Variants in YWHAQ observed in about 807,000 individuals in gnomAD.
The protein encoded by YWHAQ is 14-3-3 protein theta.
A neutral mutation model predicts 28.3 loss-of-function variants in YWHAQ; 6 were observed. The ratio of observed to expected loss-of-function variants is 0.21; its 90% confidence interval spans 0.12 to 0.42. The LOEUF (loss-of-function observed/expected upper bound fraction) is 0.42. YWHAQ is among the 10% of genes least tolerant of loss of function. The pLI is 1.00. For synonymous variants in YWHAQ, 143 were observed against 119.1 expected (o/e 1.20, Z -1.31); for missense variants, 201 against 305.6 (o/e 0.66, Z 2.55).
intron 2 of YWHAQ, among the ~76,000 whole-genome samples, chr2:9,608,390 G>A (rs1402522715): frequency 6.6e-6 from 1 of 152,184 alleles, no homozygotes; most frequent in African/African-American, 2.4e-5. Flanking sequence ...TGTCATCGCT[G>A]AGAAGTAGCC....
At chr2:9,600,192 A>T (rs1666660820) in intron 2 of YWHAQ, among the ~76,000 whole-genome samples, 1 of 152,264 alleles carries the variant, frequency 6.6e-6, no homozygotes, top group African/African-American at 2.4e-5. Flanking sequence ...TGAACAGATG[A>T]GAACTTGCTT....
intron 2 of YWHAQ, among the ~76,000 whole-genome samples, chr2:9,602,846 A>T (rs1572994129): frequency 3.6e-4 from 15 of 41,682 alleles, no homozygotes; most frequent in South Asian, 1.5e-3. Flanking sequence ...AAAAAAAAAA[A>T]AAAAAAAAAA....
chr2:9,601,810 T>TA (rs1332404230), intron 2 of YWHAQ, among the ~76,000 whole-genome samples: 1 of 152,156 alleles, frequency 6.6e-6, no homozygotes, highest in African/African-American at 2.4e-5. Context: ...CTTGCTCGGC[T>TA]AATTTCTTTT....
chr2:9,589,773 G>C (rs142299072), intron 3 of YWHAQ, among the ~76,000 whole-genome samples: 3 of 152,224 alleles, frequency 2.0e-5, no homozygotes, highest in Non-Finnish European at 4.4e-5. Context: ...GCTCTGACCA[G>C]AGTTTGATTA....
At chr2:9,625,267 A>T (rs1314004558) in intron 2 of YWHAQ, among the ~76,000 whole-genome samples, 1 of 151,704 alleles carries the variant, frequency 6.6e-6, no homozygotes, top group South Asian at 2.1e-4. Flanking sequence ...ATCACAAAAA[A>T]AAAAAAAACC....
At position 9,630,738 on chromosome 2, in the gene YWHAQ, G is replaced by C. The variant is rs1276994367; in HGVS notation, c.-83+203C>G. The C allele has an allele frequency of 1.3e-5, 2 of 156,970 alleles. No homozygotes were observed. Among genetic ancestry groups the C allele is most frequent in the South Asian group, 2.1e-4 (1 of 4,866 alleles). The allele number at this position is 156,970 out of a possible 1,614,324, so 9.7% of individuals were successfully genotyped here. A position where few individuals can be genotyped will look rare whatever the true frequency, so the allele number is the denominator to read the frequency against. On this transcript the variant is annotated intron_variant, in intron 1 of 5. Transcript: ENST00000238081. The surrounding 1 kb of genome is among the most constrained non-coding windows in gnomAD (Gnocchi z 5.6). ...GGGCGGCGCGGAGGCCCCGCGCGCA[G>C]GGAGCCCGAGCCGCGGCCGCTCCCG...
At chr2:9,625,470 C>A (rs1667231917) in intron 2 of YWHAQ, among the ~76,000 whole-genome samples, 3 of 152,134 alleles carry the variant, frequency 2.0e-5, no homozygotes, top group Admixed American at 2.0e-4. Flanking sequence ...TATTAAAATG[C>A]ACAAATTCCT....
chr2:9,629,626 CCCTCCTCTCCTGTTTATGGGGGGTGGG>C (rs1340965745), intron 2 of YWHAQ, among the ~76,000 whole-genome samples: 1 of 152,048 alleles, frequency 6.6e-6, no homozygotes, highest in Non-Finnish European at 1.5e-5. Flanking sequence ...TCCCGAACTC[CCCTCCTCTCCTGTTTATGGGGGGTGGG>C]GGGGAGCACA....
chr2:9,614,740 T>A (rs1287972626), intron 2 of YWHAQ, among the ~76,000 whole-genome samples: 2 of 152,222 alleles, frequency 1.3e-5, no homozygotes, highest in African/African-American at 4.8e-5. Context: ...ATTAAGCCAC[T>A]ACTACGTTAT....
At chr2:9,586,545 T>C (rs1666347496) in intron 5 of YWHAQ, among the ~76,000 whole-genome samples, 1 of 152,196 alleles carries the variant, frequency 6.6e-6, no homozygotes, top group Non-Finnish European at 1.5e-5. Context: ...CCTAATTTGC[T>C]CTTCCTCTGT....
intron 4 of YWHAQ, 143 bp downstream of exon 4, chr2:9,588,022 T>C (rs1666380693): frequency 3.8e-6 from 4 of 1,039,890 alleles, no homozygotes; most frequent in Non-Finnish European, 5.3e-6. Context: ...TAGGTAATCA[T>C]GATGGGAAGA....
chr2:9,629,058 T>TG (rs1263553138), intron 2 of YWHAQ: 13 of 23,506 alleles, frequency 5.5e-4, no homozygotes, highest in Non-Finnish European at 1.1e-3. Context: ...AAAGGCGGCT[T>TG]GGGGGGTGGG....
intron 2 of YWHAQ, among the ~76,000 whole-genome samples, chr2:9,603,188 T>C (rs1214500673): frequency 6.6e-6 from 1 of 151,360 alleles, no homozygotes; most frequent in Non-Finnish European, 1.5e-5. Flanking sequence ...AACCTTCAAA[T>C]ACAGACTTAC....
chr2:9,598,011 T>TTTTG (rs1397521514), intron 2 of YWHAQ, among the ~76,000 whole-genome samples: 1 of 137,102 alleles, frequency 7.3e-6, no homozygotes, highest in Admixed American at 7.4e-5. Flanking sequence ...TTTTTTTTTT[T>TTTTG]TTAGTAGAGA....
At chr2:9,627,670 T>C (rs1558552830) in intron 2 of YWHAQ, among the ~76,000 whole-genome samples, 1 of 152,060 alleles carries the variant, frequency 6.6e-6, no homozygotes, top group African/African-American at 2.4e-5. Context: ...CTACAATAAA[T>C]AAATAAAACT....
At chr2:9,618,632 G>A (rs1445678063) in intron 2 of YWHAQ, among the ~76,000 whole-genome samples, 8 of 151,400 alleles carry the variant, frequency 5.3e-5, no homozygotes, top group Admixed American at 5.3e-4. Flanking sequence ...TCAACCGCCA[G>A]TTAGCTCACA....
chr2:9,612,308 C>T (rs1666964477), intron 2 of YWHAQ, among the ~76,000 whole-genome samples: 1 of 152,182 alleles, frequency 6.6e-6, no homozygotes, highest in Non-Finnish European at 1.5e-5. Flanking sequence ...CCATTGCGGG[C>T]ACGTTAACTC....
At chr2:9,613,486 GTTTA>G (rs1324783696) in intron 2 of YWHAQ, among the ~76,000 whole-genome samples, 1 of 152,174 alleles carries the variant, frequency 6.6e-6, no homozygotes, top group Non-Finnish European at 1.5e-5. Flanking sequence ...CAATCAAGTG[GTTTA>G]TTATTTTTGT....
chr2:9,585,137 T>C lies in YWHAQ; in HGVS notation c.*149A>G. On this transcript the variant is annotated 3_prime_UTR_variant, in exon 6 of 6. Transcript: ENST00000238081. ...CAAACACAAATCAAGGAATGAAGTT[T>C]TCCCAAAGCTGCAGTGTGAAAAGAC... The C allele has an allele frequency of 2.4e-6, 2 of 830,224 alleles. No individual in the cohort carries two copies. Among genetic ancestry groups the C allele is most frequent in the Non-Finnish European group, 3.8e-6 (2 of 524,874 alleles). 51.4% of individuals were successfully genotyped at this position (830,224 alleles called of 1,614,324 possible).
Sources: gnomAD v4.1 joint callset for allele counts (sites outside exome capture counted in the v4.1 genomes callset) on GRCh38, gnomAD v4.1.1 for gene constraint, Gnocchi (gnomAD v3.1) non-coding constraint, MANE v1.5 for transcripts, NCBI Gene and HGNC (gene_info 2026-07-23, HGNC 2026-07-21) for gene names.